LYPLAL1: variants seen among roughly 807,000 people sequenced by gnomAD.
LYPLAL1 encodes lysophospholipase-like protein 1.
A neutral mutation model predicts 19.7 loss-of-function variants in LYPLAL1; 23 were observed. The ratio of observed to expected loss-of-function variants is 1.17; its 90% CI spans 0.84 to 1.65. The LOEUF (loss-of-function observed/expected upper bound fraction) is 1.65. Ranked by LOEUF, LYPLAL1 falls within the 40% of genes most tolerant of loss-of-function variation. The pLI is 0.00. For missense variants in LYPLAL1, 355 were observed against 279.4 expected, an observed-to-expected ratio of 1.27 and a Z score of -1.93; for synonymous variants, 119 against 96.3, an observed-to-expected ratio of 1.24 and a Z score of -1.38.
chr1:219,252,843 G>A, the LYPLAL1 span, among the ~76,000 whole-genome samples: 1 of 152,042 alleles, frequency 6.6e-6, no homozygotes, highest in Non-Finnish European at 1.5e-5. Flanking sequence ...TTTTGGAACG[G>A]TTTCTGTAGG....
At chr1:219,438,187 T>A in the LYPLAL1 span, among the ~76,000 whole-genome samples, 1 of 152,208 alleles carries the variant, frequency 6.6e-6, no homozygotes, top group East Asian at 1.9e-4. Flanking sequence ...AAAAACTATT[T>A]AGATATCATC....
the LYPLAL1 span, among the ~76,000 whole-genome samples, chr1:219,410,787 G>A: frequency 6.6e-6 from 1 of 152,268 alleles, no homozygotes; most frequent in Non-Finnish European, 1.5e-5. Flanking sequence ...GGGGGACTTA[G>A]CACCCGGGCC....
chr1:219,194,352 T>C (rs550823278), intron 3 of LYPLAL1, among the ~76,000 whole-genome samples: 2 of 151,798 alleles, frequency 1.3e-5, no homozygotes, highest in Admixed American at 6.6e-5. Context: ...AGTTAGAAGA[T>C]AGAATTCCAA....
the LYPLAL1 span, among the ~76,000 whole-genome samples, chr1:219,232,239 T>C: frequency 6.6e-6 from 1 of 152,228 alleles, no homozygotes; most frequent in Non-Finnish European, 1.5e-5. Context: ...TTAGCTCTTC[T>C]ATAACTCAAC....
At chr1:219,434,857 A>T in the LYPLAL1 span, among the ~76,000 whole-genome samples, 1 of 151,504 alleles carries the variant, frequency 6.6e-6, no homozygotes, top group East Asian at 1.9e-4. Context: ...AGGAGATTTC[A>T]CTCTGTTGTA....
the LYPLAL1 span, among the ~76,000 whole-genome samples, chr1:219,381,749 C>A: frequency 6.6e-6 from 1 of 152,166 alleles, no homozygotes. Context: ...TTCATTCATT[C>A]ATTCAAATAC....
the LYPLAL1 span, among the ~76,000 whole-genome samples, chr1:219,411,419 G>T: frequency 6.6e-6 from 1 of 152,174 alleles, no homozygotes; most frequent in Non-Finnish European, 1.5e-5. Flanking sequence ...TGGAGAACCT[G>T]TGTGTGGAAA....
chr1:219,406,629 A>T, the LYPLAL1 span, among the ~76,000 whole-genome samples: 2 of 152,242 alleles, frequency 1.3e-5, no homozygotes, highest in Non-Finnish European at 1.5e-5. Context: ...AAGGAAATAC[A>T]ATAAAAAACA....
chr1:219,421,386 AC>A, the LYPLAL1 span, among the ~76,000 whole-genome samples: 85 of 152,252 alleles, frequency 5.6e-4, no homozygotes, highest in South Asian at 3.7e-3. Context: ...CTATCTGAGA[AC>A]CCTGGAGGGT....
At chr1:219,334,473 C>A in the LYPLAL1 span, among the ~76,000 whole-genome samples, 1 of 151,428 alleles carries the variant, frequency 6.6e-6, no homozygotes, top group African/African-American at 2.4e-5. Flanking sequence ...TCAGTGAAAT[C>A]CCTACTTTTC....
At chr1:219,184,840 T>C (rs572020775) in intron 2 of LYPLAL1, among the ~76,000 whole-genome samples, 1 of 152,074 alleles carries the variant, frequency 6.6e-6, no homozygotes, top group East Asian at 1.9e-4. Flanking sequence ...GCTAATACTT[T>C]GGTAAAGAAT....
chr1:219,428,193 T>C, the LYPLAL1 span, among the ~76,000 whole-genome samples: 3 of 152,226 alleles, frequency 2.0e-5, no homozygotes. Flanking sequence ...CAGTGGAAGA[T>C]TTAATCCATG....
the LYPLAL1 span, among the ~76,000 whole-genome samples, chr1:219,262,586 G>A: frequency 3.3e-3 from 497 of 152,276 alleles, no homozygotes; most frequent in African/African-American, 0.011. Flanking sequence ...GATCCAAACT[G>A]CTGCGATTAT....
the LYPLAL1 span, among the ~76,000 whole-genome samples, chr1:219,275,681 A>G: frequency 2.5e-4 from 38 of 152,270 alleles, no homozygotes; most frequent in Admixed American, 6.5e-4. Context: ...ATAAAATTAT[A>G]TATTTCATCT....
chr1:219,328,355 G>A, the LYPLAL1 span, among the ~76,000 whole-genome samples: 146 of 152,224 alleles, frequency 9.6e-4, 1 homozygote, highest in African/African-American at 3.3e-3. Context: ...TGTACCCTTC[G>A]TGAATGATTT....
the LYPLAL1 span, among the ~76,000 whole-genome samples, chr1:219,261,221 A>G: frequency 1.3e-5 from 2 of 152,178 alleles, no homozygotes; most frequent in African/African-American, 4.8e-5. Context: ...GGTTATTGAA[A>G]TGACCTGGAT....
At chr1:219,308,431 G>A in the LYPLAL1 span, among the ~76,000 whole-genome samples, 4 of 152,168 alleles carry the variant, frequency 2.6e-5, no homozygotes, top group Non-Finnish European at 5.9e-5. Flanking sequence ...CAAGATAATG[G>A]GAAAAATGTC....
the LYPLAL1 span, among the ~76,000 whole-genome samples, chr1:219,294,063 T>C: frequency 1.3e-3 from 198 of 152,352 alleles, 1 homozygote; most frequent in African/African-American, 4.4e-3. Flanking sequence ...TCCTTTAGGC[T>C]ACCATTGAAA....
chr1:219,326,592 C>G, the LYPLAL1 span, among the ~76,000 whole-genome samples: 1 of 152,138 alleles, frequency 6.6e-6, no homozygotes, highest in African/African-American at 2.4e-5. Flanking sequence ...CAAGAAAATT[C>G]CTTCTACCTA....
Sources: gnomAD v4.1 joint callset for allele counts (sites outside exome capture counted in the v4.1 genomes callset) on GRCh38, gnomAD v4.1.1 for gene constraint, MANE v1.5 for transcripts, NCBI Gene and HGNC (gene_info 2026-07-23, HGNC 2026-07-21) for gene names.